ABI3BP: variants seen among roughly 807,000 people sequenced by gnomAD.
ABI3BP encodes target of Nesh-SH3.
A neutral mutation model predicts 268.6 loss-of-function variants in ABI3BP; 216 were observed. The ratio of observed to expected loss-of-function variants is 0.80; its 90% confidence interval spans 0.72 to 0.90. The LOEUF is 0.90. Among genes scored for constraint, ABI3BP ranks in the 40% least tolerant of loss-of-function variants. The pLI, the probability that ABI3BP is intolerant of heterozygous loss-of-function variation, is 0.00. For missense variants in ABI3BP, 2,090 were observed against 2,182.4 expected, an observed-to-expected ratio of 0.96 and a Z score of 0.84; for synonymous variants, 730 against 730.0, an observed-to-expected ratio of 1.00 and a Z score of 0.00.
Position 100,974,144 on chromosome 3 carries a change from A to G in ABI3BP, c.79+19162T>C, listed in dbSNP as rs140619949. 3.7e-3 allele frequency among the ~76,000 whole-genome samples: 557 copies of G among 152,318 alleles called. 1 individual carries two copies. The highest frequency in any genetic ancestry group is 0.013 in the African/African-American group (533 of 41,576). ...TCTGGCAAGGATTTGGAGCAATTGA[A>G]ATCTTCATACCTTGCTATTAAAAAA... On this transcript the variant is annotated intron_variant, in intron 1 of 67. Transcript: ENST00000471714.
chr3:100,753,670 C>A, intron 65 of ABI3BP, 149 bp downstream of exon 65: 1 of 873,442 alleles, frequency 1.1e-6, no homozygotes, highest in South Asian at 1.5e-5. Flanking sequence ...CAGTGTTGTA[C>A]AATGTGTAGG....
chr3:100,969,323 T>A (rs1457106830), intron 1 of ABI3BP, among the ~76,000 whole-genome samples: 2 of 152,174 alleles, frequency 1.3e-5, no homozygotes, highest in Non-Finnish European at 2.9e-5. Context: ...AGATGACATA[T>A]GTAGGGCTCT....
chr3:100,752,685 C>T, intron 66 of ABI3BP, 102 bp downstream of exon 66: 1 of 1,257,534 alleles, frequency 8.0e-7, no homozygotes, highest in Non-Finnish European at 1.1e-6. Flanking sequence ...GTTTACAGCA[C>T]CCATTCGTGC....
intron 63 of ABI3BP, among the ~76,000 whole-genome samples, chr3:100,758,365 A>G (rs2095750683): frequency 6.6e-6 from 1 of 152,232 alleles, no homozygotes; most frequent in South Asian, 2.1e-4. Context: ...ATGAGAATGC[A>G]TGTAAAAGCA....
chr3:100,907,823 G>A (rs1257145892), intron 2 of ABI3BP, among the ~76,000 whole-genome samples: 2 of 151,948 alleles, frequency 1.3e-5, no homozygotes, highest in African/African-American at 4.8e-5. Context: ...GTAACATAAA[G>A]GGAAAGAAAA....
rs2152914500 is a variant in ABI3BP at position 100,840,180 on chromosome 3, T to C, written c.1805-16A>G. The C allele has an allele frequency of 6.6e-7, 1 of 1,518,238 alleles. No homozygotes were observed. The highest frequency in any genetic ancestry group is 8.8e-7 in the Non-Finnish European group (1 of 1,138,288). The allele number at this position is 1,518,238 out of a possible 1,614,324, so 94.0% of individuals were successfully genotyped here. On this transcript the variant is annotated splice_polypyrimidine_tract_variant and intron_variant, in intron 22 of 67. Transcript: ENST00000471714. ...TTTCGTGGTGCTGAAGAAAGAAAAT[T>C]AGCAAGTTAATACAAGAAGGGTGGA... is the stretch of plus-strand genomic sequence containing the variant.
intron 55 of ABI3BP, among the ~76,000 whole-genome samples, chr3:100,790,986 A>T (rs2097182354): frequency 6.6e-6 from 1 of 151,928 alleles, no homozygotes; most frequent in Admixed American, 6.6e-5. Flanking sequence ...AAGTCTAGAA[A>T]GAATTTTTTT....
chr3:100,763,463 CAAA>C (rs1418781949), intron 63 of ABI3BP, among the ~76,000 whole-genome samples: 1 of 109,306 alleles, frequency 9.1e-6, no homozygotes, highest in Non-Finnish European at 2.0e-5. Flanking sequence ...GACTCTGTCT[CAAA>C]AAAAAAAAAA....
chr3:100,871,728 T>C (rs2099111740), intron 9 of ABI3BP, among the ~76,000 whole-genome samples: 1 of 152,228 alleles, frequency 6.6e-6, no homozygotes, highest in South Asian at 2.1e-4. Context: ...AACCTCTTTC[T>C]TTGTAAATTG....
Position 100,822,604 on chromosome 3 carries a change from G to A in ABI3BP, c.2872C>T (p.Pro958Ser), listed in dbSNP as rs1358198449. The A allele has an allele frequency of 6.5e-7, 1 of 1,536,396 alleles. No individual in the cohort carries two copies. Among genetic ancestry groups the A allele is most frequent in the African/African-American group, 1.4e-5 (1 of 73,018 alleles). ...RTKTTPRPEAPESKPVPTAEL... is the reference protein window; with the variant it reads ...RTKTTPRPEASESKPVPTAEL... Reference sequence around the variant, plus strand: ...CATAGTTTACCTGGTTTGGATTCAGGTGCTTCAGGACGTGGTGTGGTTTTT... The same window carrying A: ...CATAGTTTACCTGGTTTGGATTCAGATGCTTCAGGACGTGGTGTGGTTTTT... Residue 958 changes from proline to serine, a missense_variant, in exon 38 of 68, where the codon CCT becomes TCT. By Grantham distance (74) the Pro-to-Ser change is moderately conservative (BLOSUM62 -1). Coordinates refer to ENST00000471714, the MANE Select transcript of ABI3BP (RefSeq NM_001375547.2).
intron 9 of ABI3BP, 36 bp from the exon 10 acceptor site, chr3:100,866,992 G>T (rs775169476): frequency 5.1e-6 from 8 of 1,556,808 alleles, no homozygotes; most frequent in African/African-American, 2.7e-5. Context: ...TATCTCACTT[G>T]CAGTGTCCAA....
chr3:100,911,351 C>A, intron 2 of ABI3BP: 1 of 266,828 alleles, frequency 3.7e-6, no homozygotes, highest in Non-Finnish European at 7.3e-6. Flanking sequence ...AATGCTTGAC[C>A]AGGAAAAATG....
At chr3:100,776,037 C>T (rs2096693122) in intron 59 of ABI3BP, among the ~76,000 whole-genome samples, 1 of 152,072 alleles carries the variant, frequency 6.6e-6, no homozygotes, top group Non-Finnish European at 1.5e-5. Context: ...GGCCTGGTGG[C>T]CAGTATAGTG....
In ABI3BP at chr3:100,851,950, A is replaced by G; in HGVS notation, c.1286-10T>C. 1 of 1,548,738 alleles carries G rather than the reference A, an allele frequency of 6.5e-7. No homozygotes were observed. The highest frequency in any genetic ancestry group is 8.7e-7 in the Non-Finnish European group (1 of 1,151,296). ...AAAACATCATAAGTTGCTTAAAAAA[A>G]AAAAAAAGGCAAAACAAGAGAGATG... On this transcript the variant is annotated splice_polypyrimidine_tract_variant and intron_variant, in intron 14 of 67. Coordinates refer to ENST00000471714, the MANE Select transcript of ABI3BP (RefSeq NM_001375547.2).
At chr3:100,935,928 G>T (rs1297640135) in intron 1 of ABI3BP, among the ~76,000 whole-genome samples, 1 of 152,168 alleles carries the variant, frequency 6.6e-6, no homozygotes, top group Non-Finnish European at 1.5e-5. Context: ...TGCAAACAGA[G>T]ACAATTTGAC....
chr3:100,790,117 G>C (rs2097158602), intron 55 of ABI3BP, among the ~76,000 whole-genome samples: 1 of 151,966 alleles, frequency 6.6e-6, no homozygotes, highest in African/African-American at 2.4e-5. Context: ...AAGAGGACAA[G>C]CAAGGAGCAA....
intron 6 of ABI3BP, among the ~76,000 whole-genome samples, chr3:100,884,154 T>C (rs1289837640): frequency 2.0e-5 from 3 of 152,092 alleles, no homozygotes; most frequent in Non-Finnish European, 2.9e-5. Flanking sequence ...TAAGTAGTTT[T>C]GTTATAGGTA....
At chr3:100,842,339 G>A (rs564676922) in intron 20 of ABI3BP, among the ~76,000 whole-genome samples, 2 of 152,302 alleles carry the variant, frequency 1.3e-5, no homozygotes, top group African/African-American at 2.4e-5. Context: ...GTTGTTCAGA[G>A]TGTCCTGTCA....
chr3:100,844,352 G>A (rs2098743470), intron 20 of ABI3BP: 3 of 985,448 alleles, frequency 3.0e-6, no homozygotes, highest in Non-Finnish European at 3.6e-6. Context: ...AGGTAGACAA[G>A]TTAAGACATG....
Sources: allele counts gnomAD v4.1 joint callset (sites outside exome capture counted in the v4.1 genomes callset), GRCh38; gene constraint gnomAD v4.1.1; transcripts MANE v1.5; gene names NCBI Gene and HGNC (gene_info 2026-07-23, HGNC 2026-07-21).